The following TBC1D2 variants were observed in gnomAD, a reference collection of about 807,000 sequenced individuals.
The protein encoded by TBC1D2 is TBC1 domain family member 2.
Under a neutral mutation model 91.1 loss-of-function variants are expected in TBC1D2, and 58 were observed. The observed-to-expected ratio is 0.64, with a 90% CI of 0.52 to 0.79. The LOEUF (loss-of-function observed/expected upper bound fraction) is 0.79, where lower values mean the gene tolerates loss of function less well. Among genes scored for constraint, TBC1D2 ranks in the 30% least tolerant of loss-of-function variants. TBC1D2 has a pLI of 0.00. For missense variants in TBC1D2, 1,080 were observed against 1,208.3 expected, an observed-to-expected ratio of 0.89 and a Z score of 1.57; for synonymous variants, 482 against 511.5, an observed-to-expected ratio of 0.94 and a Z score of 0.78.
Position 98,201,635 on chromosome 9 carries a change from G to A in TBC1D2, c.2301C>T (p.Leu767=). 1 of 1,613,590 alleles carries A rather than the reference G, an allele frequency of 6.2e-7. No homozygotes were observed. Among genetic ancestry groups the A allele is most frequent in the South Asian group, 1.1e-5 (1 of 91,062 alleles). ...CCATCAGCCTGGGCAGCTTCTCCGA[G>A]AGCAGGTCCTGGAGCACCCGCTGGT... ...QVDQRVLQDL[L]SEKLPRLMAH... The change falls in exon 11 of 13, where the codon CTC becomes CTT. Residue 767 remains leucine, a synonymous_variant. Transcript: ENST00000465784.
Position 98,220,833 on chromosome 9 carries a change from C to G in TBC1D2, c.1374G>C (p.Lys458Asn), listed in dbSNP as rs745606921. 1.2e-6 allele frequency: 2 copies of G among 1,613,674 alleles called. No individual in the cohort carries two copies. Among genetic ancestry groups the G allele is most frequent in the Non-Finnish European group, 1.7e-6 (2 of 1,179,686 alleles). ...GCAGGCCCTGAGGGGAGGCCCCTAC[C>G]TTCAGGTGCTCTATCTTCCCCTGCT... is the stretch of plus-strand genomic sequence containing the variant. ...LSQQGKIEHL[K>N]DDMEAYRTQN... Residue 458 changes from lysine to asparagine, a missense_variant and splice_region_variant, in exon 6 of 13, where the codon AAG becomes AAC. Physicochemically the swap from Lys to Asn is moderately conservative, Grantham distance 94. Coordinates refer to ENST00000465784, the MANE Select transcript of TBC1D2 (RefSeq NM_001267571.2).
At chr9:98,207,421 G>A (rs894444864) in intron 9 of TBC1D2, among the ~76,000 whole-genome samples, 2 of 152,214 alleles carry the variant, frequency 1.3e-5, no homozygotes, top group African/African-American at 4.8e-5. Context: ...GAAATAGCTG[G>A]GGCTGGAGCG....
At chr9:98,229,681 C>G (rs1253296371) in intron 4 of TBC1D2, among the ~76,000 whole-genome samples, 1 of 152,248 alleles carries the variant, frequency 6.6e-6, no homozygotes, top group Non-Finnish European at 1.5e-5. Context: ...CTTGATTCTT[C>G]TTATTCCAAG....
Position 98,201,482 on chromosome 9 carries a change from C to G in TBC1D2, c.2454G>C (p.Thr818=), listed in dbSNP as rs369104720. 1.4e-5 allele frequency: 23 copies of G among 1,613,132 alleles called. No homozygotes were observed. The highest frequency in any genetic ancestry group is 1.9e-5 in the Non-Finnish European group (22 of 1,179,424). ...CCATCCCCTGGCTGCACCCTACCTTCGTCCCCTCGTACAGGAAGGCATCCC... is the reference window on the plus strand; with the variant it reads ...CCATCCCCTGGCTGCACCCTACCTTGGTCCCCTCGTACAGGAAGGCATCCC... ...RVWDAFLYEG[T]KVVFRYALAI... Residue 818 remains threonine (T), a synonymous_variant, in exon 11 of 13, where the codon ACG becomes ACC. Transcript: ENST00000465784.
chr9:98,235,591 CCTT>C, intron 3 of TBC1D2: 1 of 447,702 alleles, frequency 2.2e-6, no homozygotes, highest in South Asian at 1.7e-5. Flanking sequence ...GTCTTCCAAT[CCTT>C]CTCAGCTATA....
In TBC1D2 at chr9:98,251,910, G is replaced by C; in HGVS notation, c.386C>G (p.Ala129Gly). The C allele has an allele frequency of 6.3e-7, 1 of 1,598,958 alleles. No homozygotes were observed. ...CAGCTGCTGCAGCCAGTACAGCATC[G>C]CTTGCTTGGTGGCGGCCTGAGAAGC... ...VITLKAATKQ[A>G]MLYWLQQLQM... Residue 129 changes from alanine to glycine, a missense_variant, in exon 2 of 13, where the codon GCG becomes GGG. Transcript: ENST00000465784.
At chr9:98,216,083 T>C (rs1828962824) in intron 6 of TBC1D2, among the ~76,000 whole-genome samples, 1 of 152,172 alleles carries the variant, frequency 6.6e-6, no homozygotes, top group African/African-American at 2.4e-5. Context: ...TGGGTGGAAA[T>C]TCTGTCTTGA....
intron 3 of TBC1D2, among the ~76,000 whole-genome samples, chr9:98,240,316 G>A (rs1404450588): frequency 4.6e-5 from 7 of 152,120 alleles, no homozygotes; most frequent in Non-Finnish European, 1.0e-4. Context: ...TTAGAACTCA[G>A]CACTCCCAAT....
intron 9 of TBC1D2, among the ~76,000 whole-genome samples, chr9:98,208,021 A>G (rs1387053460): frequency 1.3e-5 from 2 of 152,152 alleles, no homozygotes; most frequent in African/African-American, 4.8e-5. Flanking sequence ...GTTTCACTGA[A>G]AGCGAATGAT....
At chr9:98,212,986 A>G (rs1828885009) in intron 7 of TBC1D2, 122 bp downstream of exon 7, 2 of 1,060,524 alleles carry the variant, frequency 1.9e-6, no homozygotes, top group Non-Finnish European at 2.8e-6. Context: ...CCTGCTCACA[A>G]GGGGTCAGTT....
intron 2 of TBC1D2, among the ~76,000 whole-genome samples, chr9:98,246,427 C>T (rs1829765567): frequency 6.6e-6 from 1 of 152,240 alleles, no homozygotes; most frequent in Admixed American, 6.5e-5. Flanking sequence ...TCCATCAGAT[C>T]TGGCAGGTAG....
chr9:98,230,671 G>A (rs180785559), intron 4 of TBC1D2, among the ~76,000 whole-genome samples: 3 of 152,280 alleles, frequency 2.0e-5, no homozygotes, highest in East Asian at 3.9e-4. Flanking sequence ...GGTGGCTCAC[G>A]CCTGTAATCC....
intron 2 of TBC1D2, among the ~76,000 whole-genome samples, chr9:98,247,615 G>A (rs1038618938): frequency 6.6e-6 from 1 of 151,080 alleles, no homozygotes; most frequent in Non-Finnish European, 1.5e-5. Flanking sequence ...TATAGTCCCA[G>A]CTACTTGGGA....
intron 7 of TBC1D2, 38 bp from the exon 8 acceptor site, chr9:98,210,881 G>T (rs1432142255): frequency 6.6e-7 from 1 of 1,524,818 alleles, no homozygotes; most frequent in African/African-American, 1.5e-5. Flanking sequence ...TACCGGGTGG[G>T]AGCTGGGCCG....
intron 8 of TBC1D2, 138 bp downstream of exon 8, chr9:98,210,518 G>T: frequency 4.9e-6 from 4 of 819,318 alleles, no homozygotes; most frequent in Non-Finnish European, 7.2e-6. Context: ...AGCTGCAGCC[G>T]CACACTAATG....
Position 98,210,793 on chromosome 9 carries a change from G to T in TBC1D2, c.1536C>A (p.Ala512=). The T allele has an allele frequency of 6.4e-7, 1 of 1,554,602 alleles. No individual in the cohort carries two copies. The highest frequency in any genetic ancestry group is 8.7e-7 in the Non-Finnish European group (1 of 1,148,652). ...RNCQVESKYL[A]GLRRLQEALG... ...GGGCCTCCTGCAGCCTTCTCAGACCGGCCAGGTACTTGCTTTCCACCTGGC... is the reference window on the plus strand; with the variant it reads ...GGGCCTCCTGCAGCCTTCTCAGACCTGCCAGGTACTTGCTTTCCACCTGGC... The change falls in exon 8 of 13, where the codon GCC becomes GCA. Residue 512 remains alanine, a synonymous_variant. Transcript: ENST00000465784.
chr9:98,216,636 C>G (rs1270919466), intron 6 of TBC1D2, among the ~76,000 whole-genome samples: 1 of 152,240 alleles, frequency 6.6e-6, no homozygotes, highest in Non-Finnish European at 1.5e-5. Context: ...ACCACTGGGT[C>G]TCCCTCCTTG....
chr9:98,231,530 T>C (rs1014407382), intron 4 of TBC1D2, among the ~76,000 whole-genome samples: 1 of 152,176 alleles, frequency 6.6e-6, no homozygotes, highest in Non-Finnish European at 1.5e-5. Flanking sequence ...GGTTTTGTGT[T>C]AGATGATTTT....
At chr9:98,221,603 C>T (rs144428676) in intron 5 of TBC1D2, among the ~76,000 whole-genome samples, 213 of 152,296 alleles carry the variant, frequency 1.4e-3, no homozygotes, top group African/African-American at 4.8e-3. Context: ...CTAGAGTGGC[C>T]GCCTCAGACC....
Sources: gnomAD v4.1 joint callset for allele counts (sites outside exome capture counted in the v4.1 genomes callset) on GRCh38, gnomAD v4.1.1 for gene constraint, MANE v1.5 for transcripts, NCBI Gene and HGNC (gene_info 2026-07-23, HGNC 2026-07-21) for gene names.